CPAMD8: variants seen among roughly 807,000 people sequenced by gnomAD.
CPAMD8 encodes the protein C3 and PZP like alpha-2-macroglobulin domain containing 8, also known as C3 and PZP-like alpha-2-macroglobulin domain-containing protein 8.
Under a neutral mutation model 224.7 loss-of-function variants are expected in CPAMD8, and 146 were observed. The ratio of observed to expected loss-of-function variants is 0.65; its 90% CI spans 0.57 to 0.75. The LOEUF (loss-of-function observed/expected upper bound fraction) is 0.75. Among genes scored for constraint, CPAMD8 ranks in the 30% least tolerant of loss-of-function variants. The pLI, the probability that CPAMD8 is intolerant of heterozygous loss-of-function variation, is 0.00. For synonymous variants in CPAMD8, 966 were observed against 1,044.6 expected (o/e 0.92, Z 1.45); for missense variants, 2,301 against 2,537.5 (o/e 0.91, Z 2.00).
At chr19:17,012,207 C>T (rs1367939855) in intron 3 of CPAMD8, among the ~76,000 whole-genome samples, 2 of 152,050 alleles carry the variant, frequency 1.3e-5, no homozygotes, top group Non-Finnish European at 2.9e-5. Context: ...TTAGTAGAAA[C>T]GGGGTTTCAC....
rs56393692 is a variant in CPAMD8, at chr19:16,979,508, G to GTCCATCCA, written c.1585+981_1585+988dup. On this transcript the variant is annotated intron_variant, in intron 14 of 41. Transcript: ENST00000443236. ...CATCCTTCTGTCCATCCATCTTTTG[G>GTCCATCCA]TCCATCCATCCATCCATCCATCTCT... Among the ~76,000 whole-genome samples, 57 of 140,250 alleles carry GTCCATCCA rather than the reference G, an allele frequency of 4.1e-4. No individual in the cohort carries two copies. The East Asian group carries it at 8.0e-3, about 20-fold the overall frequency. The allele number at this position is 140,250 out of a possible 152,430, so 92.0% of individuals were successfully genotyped here. A position where few individuals can be genotyped will look rare whatever the true frequency, so the allele number is the denominator to read the frequency against.
In CPAMD8 at chr19:16,952,005, C is replaced by G. The variant is rs367951922; in HGVS notation, c.2472G>C (p.Pro824=). 4 of 1,582,228 alleles carry G rather than the reference C, an allele frequency of 2.5e-6. No homozygotes were observed. In the South Asian group the frequency reaches 4.6e-5, roughly 18 times the overall value. ...TGCCCATGTAGTTGTAGACACTGAGCGGGATCTTGACCTGCTCCCCACGGA... is the reference window on the plus strand; with the variant it reads ...TGCCCATGTAGTTGTAGACACTGAGGGGGATCTTGACCTGCTCCCCACGGA... ...LIIRGEQVKI[P]LSVYNYMGTC... Residue 824 remains proline (P), a synonymous_variant, in exon 20 of 42, where the codon CCG becomes CCC. Coordinates refer to ENST00000443236, the MANE Select transcript of CPAMD8 (RefSeq NM_015692.5).
chr19:17,026,303 G>A (rs1472821389), intron 1 of CPAMD8, among the ~76,000 whole-genome samples: 2 of 152,208 alleles, frequency 1.3e-5, no homozygotes, highest in Non-Finnish European at 2.9e-5. Context: ...TCACACGAAG[G>A]GGGCGAGGTG....
chr19:16,980,155 T>C (rs1209270293), intron 14 of CPAMD8, among the ~76,000 whole-genome samples: 1 of 152,012 alleles, frequency 6.6e-6, no homozygotes, highest in East Asian at 1.9e-4. Flanking sequence ...GAGCACATGG[T>C]GTCAAAAAGA....
intron 2 of CPAMD8, among the ~76,000 whole-genome samples, chr19:17,020,784 C>T (rs2056933413): frequency 2.0e-5 from 3 of 152,202 alleles, no homozygotes. Flanking sequence ...CACACTAAAT[C>T]ATTTGTGCTA....
At chr19:16,925,961 A>C (rs2608745) in intron 25 of CPAMD8, among the ~76,000 whole-genome samples, 7,960 of 151,858 alleles carry the variant, frequency 0.052, 650 homozygotes, top group African/African-American at 0.18. Context: ...GGGTTTCATC[A>C]TGTTGGCCAG....
intron 13 of CPAMD8, among the ~76,000 whole-genome samples, chr19:16,982,744 C>T (rs570647371): frequency 2.6e-4 from 39 of 152,226 alleles, no homozygotes; most frequent in Admixed American, 6.5e-4. Flanking sequence ...GGGGCTGAGG[C>T]AGGAGGATCA....
rs771852924 is a variant in CPAMD8, at chr19:16,895,925, A to ACGCGCG, written c.5426+250_5426+251insCGCGCG. 574 of 529,936 alleles carry ACGCGCG rather than the reference A, an allele frequency of 1.1e-3. 1 individual carries two copies. The highest frequency in any genetic ancestry group is 3.6e-3 in the East Asian group (107 of 29,388). The allele number at this position is 529,936 out of a possible 1,614,324, so 32.8% of individuals were successfully genotyped here. On this transcript the variant is annotated intron_variant, in intron 41 of 41. Transcript: ENST00000443236. ...CACGCACACACACACACACACACAC[A>ACGCGCG]CACGCGCGCGTGCGCCCGCGCACAG... is the stretch of plus-strand genomic sequence containing the variant.
Position 16,896,623 on chromosome 19 carries a change from T to C in CPAMD8, c.5108A>G (p.Glu1703Gly). 1 of 1,500,944 alleles carries C rather than the reference T, an allele frequency of 6.7e-7. No individual in the cohort carries two copies. The highest frequency in any genetic ancestry group is 1.3e-5 in the South Asian group (1 of 79,802). The allele number at this position is 1,500,944 out of a possible 1,614,324, so 93.0% of individuals were successfully genotyped here. A position where few individuals can be genotyped will look rare whatever the true frequency, so the allele number is the denominator to read the frequency against. Residue 1703 changes from glutamate (E) to glycine (G), a missense_variant, in exon 40 of 42, where the codon GAG (glutamate) becomes GGG (glycine). This residue lies in a region of CPAMD8 where 1,709 missense variants were observed against 1,753.2 expected (regional missense o/e 0.97). Coordinates refer to ENST00000443236, the MANE Select transcript of CPAMD8 (RefSeq NM_015692.5). ...GESGPAVAPE[E>G]GAAIARCGCD... The stretch of plus-strand genomic sequence containing the variant: ...GCCGCATCGCGCGATCGCCGCCCCC[T>C]CCTCAGGGGCCACGGCAGGGCCCGA...
At chr19:16,942,851 C>T (rs1231472087) in intron 22 of CPAMD8, among the ~76,000 whole-genome samples, 2 of 152,188 alleles carry the variant, frequency 1.3e-5, no homozygotes, top group African/African-American at 4.8e-5. Context: ...GCATGATGCA[C>T]GAATAGTAGC....
At chr19:16,957,035 C>T (rs1294109165) in intron 19 of CPAMD8, among the ~76,000 whole-genome samples, 1 of 152,200 alleles carries the variant, frequency 6.6e-6, no homozygotes. Context: ...AAAGTAGATA[C>T]ATTTGAATGA....
At chr19:16,957,816 C>T (rs1396030002) in intron 19 of CPAMD8, 37 bp downstream of exon 19, 1 of 1,608,634 alleles carries the variant, frequency 6.2e-7, no homozygotes, top group South Asian at 1.1e-5. Flanking sequence ...TTTCACTCAA[C>T]CGGCAAAGTC....
At chr19:16,927,931 G>T in intron 25 of CPAMD8, 78 bp downstream of exon 25, 1 of 1,087,560 alleles carries the variant, frequency 9.2e-7, no homozygotes, top group Non-Finnish European at 1.4e-6. Flanking sequence ...GCAAAGCCCA[G>T]CTTGAGACTA....
intron 23 of CPAMD8, 40 bp from the exon 24 acceptor site, chr19:16,929,280 T>C (rs371297061): frequency 1.3e-6 from 2 of 1,523,700 alleles, no homozygotes; most frequent in African/African-American, 1.4e-5. Context: ...AGAGGGCACC[T>C]GGAGGCATCC....
chr19:16,929,244 G>A lies in CPAMD8; in HGVS notation c.2846-4C>T. On this transcript the variant is annotated splice_polypyrimidine_tract_variant and splice_region_variant and intron_variant, in intron 23 of 41. Transcript: ENST00000443236. ...GGGGTGGAGATGTGGACTCTCTCTG[G>A]ATGGAGGAAAGGAGATGGGGAGTTG... 6.3e-7 allele frequency: 1 copy of A among 1,594,340 alleles called. No individual in the cohort carries two copies. The highest frequency in any genetic ancestry group is 8.6e-7 in the Non-Finnish European group (1 of 1,166,458).
chr19:16,947,308 A>G, intron 20 of CPAMD8, 81 bp from the exon 21 acceptor site: 5 of 1,488,620 alleles, frequency 3.4e-6, no homozygotes, highest in Non-Finnish European at 4.6e-6. Context: ...ACATCCCACC[A>G]CTCACTGCAC....
In CPAMD8 at chr19:16,997,308, C is replaced by T. The variant is rs200535837; in HGVS notation, c.898G>A (p.Val300Met). 5.8e-5 allele frequency: 91 copies of T among 1,581,970 alleles called. No homozygotes were observed. The African/African-American group carries it at 6.0e-4, about 10-fold the overall frequency. Reference sequence around the variant, plus strand: ...ACGTCCGCTGGGATCATGTCCCTCACGCAGATGTCGAAGTCCCGGGAGCCG... The same window carrying T: ...ACGTCCGCTGGGATCATGTCCCTCATGCAGATGTCGAAGTCCCGGGAGCCG... Reference protein sequence around the residue: ...ILGSRDFDICVRDMIPADVPE... With the variant: ...ILGSRDFDICMRDMIPADVPE... Residue 300 changes from valine to methionine, a missense_variant, in exon 11 of 42, where the codon GTG becomes ATG. Val to Met is a conservative substitution (Grantham distance 21). This residue lies in a region of CPAMD8 where 301 missense variants were observed against 406.6 expected (regional missense o/e 0.74). Coordinates refer to ENST00000443236, the MANE Select transcript of CPAMD8 (RefSeq NM_015692.5).
intron 35 of CPAMD8, among the ~76,000 whole-genome samples, chr19:16,901,947 G>T (rs1035121858): frequency 6.6e-6 from 1 of 152,116 alleles, no homozygotes; most frequent in East Asian, 1.9e-4. Context: ...AGCCGTTACC[G>T]GGGTAGCGGC....
intron 41 of CPAMD8, 78 bp from the exon 42 acceptor site, chr19:16,893,417 G>C (rs1375132636): frequency 9.8e-7 from 1 of 1,017,668 alleles, no homozygotes; most frequent in Non-Finnish European, 1.4e-6. Context: ...GGAGCCACAG[G>C]GCCTGTCGCT....
Sources: gnomAD v4.1 joint callset for allele counts (sites outside exome capture counted in the v4.1 genomes callset) on GRCh38, gnomAD v4.1.1 for gene constraint, gnomAD v4.1.1 regional missense constraint, MANE v1.5 for transcripts, NCBI Gene and HGNC (gene_info 2026-07-23, HGNC 2026-07-21) for gene names.